RAPGEF1: variants seen among roughly 807,000 people sequenced by gnomAD.
RAPGEF1 encodes Rap guanine nucleotide exchange factor 1, also known as CRK SH3-binding GNRP.
A neutral mutation model predicts 143.3 loss-of-function variants in RAPGEF1; 33 were observed. The ratio of observed to expected loss-of-function variants is 0.23; its 90% CI spans 0.17 to 0.31. The LOEUF (loss-of-function observed/expected upper bound fraction) is 0.31. RAPGEF1 is among the 10% of genes least tolerant of loss of function. RAPGEF1 has a pLI of 1.00. For missense variants in RAPGEF1, 1,199 were observed against 1,645.4 expected, an observed-to-expected ratio of 0.73 and a Z score of 4.69; for synonymous variants, 629 against 676.5, an observed-to-expected ratio of 0.93 and a Z score of 1.09.
intron 1 of RAPGEF1, chr9:131,725,534 C>T (rs1173941093): frequency 6.6e-6 from 1 of 152,214 alleles, no homozygotes; most frequent in African/African-American, 2.4e-5. Flanking sequence ...TCAGAGCTCA[C>T]TGCAGTCTTG....
intron 12 of RAPGEF1, among the ~76,000 whole-genome samples, chr9:131,614,036 A>AG (rs1192314418): frequency 6.6e-6 from 1 of 152,160 alleles, no homozygotes; most frequent in Non-Finnish European, 1.5e-5. Flanking sequence ...AGAGGCCTCA[A>AG]GGGGGCTTCA....
chr9:131,700,019 CCCCAATCATCCCCCACAAT>C, intron 1 of RAPGEF1, among the ~76,000 whole-genome samples: 1 of 152,292 alleles, frequency 6.6e-6, no homozygotes, highest in East Asian at 1.9e-4. Context: ...ACCCACACAG[CCCCAATCATCCCCCACAAT>C]CTGTGCCACT....
intron 9 of RAPGEF1, 97 bp downstream of exon 9, chr9:131,627,816 G>C: frequency 1.8e-5 from 24 of 1,310,138 alleles, no homozygotes; most frequent in Non-Finnish European, 2.5e-5. Flanking sequence ...AAGCCACGTA[G>C]TCAATGATTG....
At chr9:131,737,900 G>A (rs376389034) in intron 1 of RAPGEF1, among the ~76,000 whole-genome samples, 61 of 151,346 alleles carry the variant, frequency 4.0e-4, no homozygotes, top group Middle Eastern at 6.8e-3. Flanking sequence ...AGGAGGAGGC[G>A]GAGCTTGCAG....
chr9:131,715,212 G>A (rs1034137901), intron 1 of RAPGEF1, among the ~76,000 whole-genome samples: 1 of 152,194 alleles, frequency 6.6e-6, no homozygotes, highest in Non-Finnish European at 1.5e-5. Flanking sequence ...GGAGCTTGGG[G>A]AGGGTCGGAT....
At chr9:131,580,728 A>G (rs999825820) in intron 25 of RAPGEF1, among the ~76,000 whole-genome samples, 2 of 152,122 alleles carry the variant, frequency 1.3e-5, no homozygotes, top group African/African-American at 4.8e-5. Flanking sequence ...AACAAAACCC[A>G]AACCAGGGGG....
Position 131,604,045 on chromosome 9 carries a change from G to A in RAPGEF1, c.2328C>T (p.Asn776=), listed in dbSNP as rs1020360127. The part of the protein sequence containing the change: ...SETSFTDSSE[N]ASEEAGEGEY... ...CACCCTCACCAGCTTCCTCACTGGC[G>A]TTTTCACTCTGGGGGAGACAGGACG... Residue 776 remains asparagine (N), a synonymous_variant, in exon 14 of 27, where the codon AAC becomes AAT. Coordinates refer to ENST00000683357, the MANE Select transcript of RAPGEF1 (RefSeq NM_001377935.1). 6 of 1,330,494 alleles carry A rather than the reference G, an allele frequency of 4.5e-6. No homozygotes were observed. The highest frequency in any genetic ancestry group is 4.2e-5 in the Admixed American group (2 of 48,090). 82.4% of individuals were successfully genotyped at this position (1,330,494 alleles called of 1,614,324 possible).
At chr9:131,589,482 G>A (rs555592948) in intron 19 of RAPGEF1, among the ~76,000 whole-genome samples, 25 of 152,370 alleles carry the variant, frequency 1.6e-4, no homozygotes, top group African/African-American at 6.0e-4. Flanking sequence ...AACGGATATG[G>A]CCAAGTGCCA....
rs1427196867 is a variant in RAPGEF1, at chr9:131,605,191, A to G, written c.2062-3T>C. The G allele has an allele frequency of 3.8e-6, 5 of 1,322,200 alleles. No individual in the cohort carries two copies. Among genetic ancestry groups the G allele is most frequent in the South Asian group, 3.6e-5 (3 of 83,156 alleles). The allele number at this position is 1,322,200 out of a possible 1,614,324, so 81.9% of individuals were successfully genotyped here. ...TAGGACCTAAACACAGACTTATACT[A>G]CAGAATCCAGGTGGAGAACAAACAA... On this transcript the variant is annotated splice_region_variant and splice_polypyrimidine_tract_variant and intron_variant, in intron 12 of 26. Coordinates refer to ENST00000683357, the MANE Select transcript of RAPGEF1 (RefSeq NM_001377935.1).
rs147461919 is a variant in RAPGEF1 at position 131,667,741 on chromosome 9, C to A, written c.62-16792G>T. On this transcript the variant is annotated intron_variant, in intron 1 of 26. Coordinates refer to ENST00000683357, the MANE Select transcript of RAPGEF1 (RefSeq NM_001377935.1). The surrounding 1 kb of genome is among the most constrained non-coding windows in gnomAD (Gnocchi z 4.6). ...GCCTATCCACGTATTCCCGTCCCAC[C>A]CACGTCTCAGATGGAAGGGAAAGGC... 7.4e-4 allele frequency among the ~76,000 whole-genome samples: 112 copies of A among 152,292 alleles called. 3 individuals are homozygous for A. The East Asian group carries it at 0.018, about 24-fold the overall frequency.
chr9:131,589,838 C>A (rs1316585176), intron 19 of RAPGEF1, 48 bp downstream of exon 19: 1 of 1,530,948 alleles, frequency 6.5e-7, no homozygotes, highest in Non-Finnish European at 9.0e-7. Context: ...TGGAATGGAG[C>A]CTTTGCCTCC....
At position 131,643,387 on chromosome 9, in the gene RAPGEF1, C is replaced by G; in HGVS notation, c.346G>C (p.Glu116Gln). Reference protein sequence around the residue: ...NLSWLEEKEKEVVSALRYFKT... With the variant: ...NLSWLEEKEKQVVSALRYFKT... ...AAGTAGCGCAGGGCACTGACAACTT[C>G]CTTCTCTTTCTCCTCCAGCCAGCTC... The change falls in exon 4 of 27, where the codon GAA becomes CAA. Residue 116 changes from glutamate (E) to glutamine (Q), a missense_variant. By Grantham distance (29) the Glu-to-Gln change is conservative. Coordinates refer to ENST00000683357, the MANE Select transcript of RAPGEF1 (RefSeq NM_001377935.1). 6.2e-7 allele frequency: 1 copy of G among 1,613,650 alleles called. No homozygotes were observed. Among genetic ancestry groups the G allele is most frequent in the Non-Finnish European group, 8.5e-7 (1 of 1,179,738 alleles).
chr9:131,616,448 G>T (rs1959027994), intron 12 of RAPGEF1, among the ~76,000 whole-genome samples: 1 of 152,154 alleles, frequency 6.6e-6, no homozygotes, highest in African/African-American at 2.4e-5. Context: ...ACCCGGCCTG[G>T]AAAAGTTGAT....
intron 1 of RAPGEF1, among the ~76,000 whole-genome samples, chr9:131,671,852 C>T (rs773580241): frequency 1.3e-5 from 2 of 152,160 alleles, no homozygotes; most frequent in Non-Finnish European, 2.9e-5. Flanking sequence ...CGATGCACAA[C>T]CAACCCATTT....
rs1308218786 is a variant in RAPGEF1 at position 131,598,847 on chromosome 9, C to T, written c.2502-537G>A. On this transcript the variant is annotated intron_variant, in intron 15 of 26. Transcript: ENST00000683357. ...ATTTGCTTTTTTTTTTTTTTTGAGA[C>T]GGAGTCTCGCTCTGTCACCCAGGCT... is the stretch of plus-strand genomic sequence containing the variant. Among the ~76,000 whole-genome samples, 9 of 134,092 alleles carry T rather than the reference C, an allele frequency of 6.7e-5. No homozygotes were observed. The South Asian group carries it at 9.2e-4, about 14-fold the overall frequency. 88.0% of individuals were successfully genotyped at this position (134,092 alleles called of 152,430 possible). A position where few individuals can be genotyped will look rare whatever the true frequency, so the allele number is the denominator to read the frequency against.
At chr9:131,731,207 A>C (rs1837050302) in intron 1 of RAPGEF1, among the ~76,000 whole-genome samples, 1 of 152,202 alleles carries the variant, frequency 6.6e-6, no homozygotes, top group Non-Finnish European at 1.5e-5. Context: ...TGTAAGGATT[A>C]AATGCAACCA....
Position 131,667,350 on chromosome 9 carries a change from C to T in RAPGEF1, c.62-16401G>A, listed in dbSNP as rs972017064. Among the ~76,000 whole-genome samples the T allele has an allele frequency of 4.6e-5, 7 of 152,190 alleles. No homozygotes were observed. Among genetic ancestry groups the T allele is most frequent in the African/African-American group, 1.4e-4 (6 of 41,454 alleles). ...ACCGAGTCACAGGCGGCTTCCTGCT[C>T]GCCTTAGGCAGGGCTCAGGGCAGCA... On this transcript the variant is annotated intron_variant, in intron 1 of 26. Transcript: ENST00000683357. This position sits in a 1 kb window ranked among gnomAD's most constrained non-coding sequence, Gnocchi z 4.6.
chr9:131,612,662 C>G (rs1958215247), intron 12 of RAPGEF1, among the ~76,000 whole-genome samples: 1 of 152,186 alleles, frequency 6.6e-6, no homozygotes, highest in Non-Finnish European at 1.5e-5. Context: ...GGAAGGGGCT[C>G]TGGTCTGCAT....
At position 131,667,828 on chromosome 9, in the gene RAPGEF1, A is replaced by G. The variant is rs1830673707; in HGVS notation, c.62-16879T>C. On this transcript the variant is annotated intron_variant, in intron 1 of 26. Coordinates refer to ENST00000683357, the MANE Select transcript of RAPGEF1 (RefSeq NM_001377935.1). The surrounding 1 kb of genome is among the most constrained non-coding windows in gnomAD (Gnocchi z 4.6). ...TGGGGCTTGCTTTTCTCTGCTGTAAAATGGGAGTAGTGATCTTTACCTCAC... is the reference window on the plus strand; with the variant it reads ...TGGGGCTTGCTTTTCTCTGCTGTAAGATGGGAGTAGTGATCTTTACCTCAC... Among the ~76,000 whole-genome samples, 2 of 152,100 alleles carry G rather than the reference A, an allele frequency of 1.3e-5. No individual in the cohort carries two copies. The highest frequency in any genetic ancestry group is 4.1e-4 in the South Asian group (2 of 4,830).
Sources: gnomAD v4.1 joint callset for allele counts (sites outside exome capture counted in the v4.1 genomes callset) on GRCh38, gnomAD v4.1.1 for gene constraint, Gnocchi (gnomAD v3.1) non-coding constraint, MANE v1.5 for transcripts, NCBI Gene and HGNC (gene_info 2026-07-23, HGNC 2026-07-21) for gene names.